Variants in POLR2F observed in about 807,000 individuals in gnomAD.
The protein encoded by POLR2F is DNA-directed RNA polymerases I, II, and III subunit RPABC2.
POLR2F carries 12 observed loss-of-function variants against 22.7 expected under a neutral mutation model. The observed-to-expected ratio is 0.53, with a 90% confidence interval of 0.34 to 0.86. POLR2F has a LOEUF of 0.86. Among genes scored for constraint, POLR2F ranks in the 40% least tolerant of loss-of-function variants. The pLI, the probability that POLR2F is intolerant of heterozygous loss-of-function variation, is 0.02. For missense variants in POLR2F, 126 were observed against 171.5 expected, an observed-to-expected ratio of 0.73 and a Z score of 1.48; for synonymous variants, 57 against 66.0, an observed-to-expected ratio of 0.86 and a Z score of 0.66.
At chr22:38,026,116 A>T in exon 2 of POLR2F, 1 of 533,766 alleles carries the variant, frequency 1.9e-6, no homozygotes, top group Non-Finnish European at 3.8e-6. Context: ...TGGATCCCCC[A>T]CTGCCCCAGA....
chr22:37,971,642 C>T (rs1013714332), downstream of POLR2F, among the ~76,000 whole-genome samples: 1 of 151,858 alleles, frequency 6.6e-6, no homozygotes, highest in Non-Finnish European at 1.5e-5. Context: ...TAGATCCTGG[C>T]GTGGGCTGCT....
intron 1 of POLR2F, among the ~76,000 whole-genome samples, chr22:38,003,696 C>A (rs1461409914): frequency 6.6e-6 from 1 of 152,010 alleles, no homozygotes. Flanking sequence ...CACACCTCAG[C>A]CTCCCAAGTA....
chr22:37,986,991 G>C lies in POLR2F; in HGVS notation c.120+679G>C. The C allele has an allele frequency of 2.2e-6, 1 of 453,956 alleles. No individual in the cohort carries two copies. The highest frequency in any genetic ancestry group is 1.6e-5 in the South Asian group (1 of 64,490). The allele number at this position is 453,956 out of a possible 1,614,324, so 28.1% of individuals were successfully genotyped here. A position where few individuals can be genotyped will look rare whatever the true frequency, so the allele number is the denominator to read the frequency against. ...ACCTTCTCCTCCTTTCCCTGCTGGG[G>C]GTGGCAGGGGTCCCTTTACCCCCTC... On this transcript the variant is annotated intron_variant, in intron 1 of 2. Coordinates refer to the POLR2F transcript ENST00000333418. This position sits in a 1 kb window ranked among gnomAD's most constrained non-coding sequence, Gnocchi z 4.7.
At chr22:38,013,968 C>T (rs60258701) in intron 1 of POLR2F, among the ~76,000 whole-genome samples, 1 of 151,614 alleles carries the variant, frequency 6.6e-6, no homozygotes, top group African/African-American at 2.4e-5. Context: ...ACTAAAAATA[C>T]AAAATTAGCC....
intron 1 of POLR2F, among the ~76,000 whole-genome samples, chr22:38,010,486 G>A (rs2084861585): frequency 2.0e-5 from 3 of 151,792 alleles, no homozygotes; most frequent in Admixed American, 2.0e-4. Flanking sequence ...CCAGCAGCGA[G>A]GTTTCAGAGT....
upstream of POLR2F, chr22:37,983,898 C>T: frequency 1.1e-6 from 1 of 931,806 alleles, no homozygotes; most frequent in Admixed American, 4.6e-5. This position sits in a 1 kb window ranked among gnomAD's most constrained non-coding sequence, Gnocchi z 9.5. Flanking sequence ...GATGGAGCGG[C>T]CGCGCGCGCA....
intron 3 of POLR2F, among the ~76,000 whole-genome samples, chr22:37,960,647 C>T (rs899601619): frequency 7.9e-5 from 12 of 151,780 alleles, no homozygotes; most frequent in African/African-American, 2.7e-4. Context: ...ATGATCCGCC[C>T]GCCTCGGCCT....
At chr22:37,960,855 T>TC (rs950133330) in intron 3 of POLR2F, among the ~76,000 whole-genome samples, 3 of 144,410 alleles carry the variant, frequency 2.1e-5, no homozygotes, top group Non-Finnish European at 3.0e-5. Context: ...TTTTTTCTTT[T>TC]TTTTTTTTTT....
At chr22:37,987,566 A>T in intron 1 of POLR2F, 1 of 340,466 alleles carries the variant, frequency 2.9e-6, no homozygotes, top group Non-Finnish European at 5.8e-6. Flanking sequence ...GGATACACTG[A>T]GATGAAGGTC....
rs546703925 is a variant in POLR2F, at chr22:37,974,883, G to C, written c.293+7713G>C. Among the ~76,000 whole-genome samples the C allele has an allele frequency of 1.2e-4, 18 of 152,190 alleles. No individual in the cohort carries two copies. Among genetic ancestry groups the C allele is most frequent in the African/African-American group, 3.6e-4 (15 of 41,508 alleles). On this transcript the variant is annotated intron_variant, in intron 4 of 4. Coordinates refer to the POLR2F transcript ENST00000405557. This position sits in a 1 kb window ranked among gnomAD's most constrained non-coding sequence, Gnocchi z 5.4. Reference sequence around the variant, plus strand: ...CTGTCTTCCTTGCTGAGCCTCGCTCGCCCAGGCTCCTGAGTGCTCTGTTTC... The same window carrying C: ...CTGTCTTCCTTGCTGAGCCTCGCTCCCCCAGGCTCCTGAGTGCTCTGTTTC...
upstream of POLR2F, among the ~76,000 whole-genome samples, chr22:37,985,550 G>A (rs1932544916): frequency 6.6e-6 from 1 of 152,192 alleles, no homozygotes; most frequent in Non-Finnish European, 1.5e-5. Context: ...CCCCGCCGGG[G>A]TGTTGAGGCC....
rs1932368162 is a variant in POLR2F, at chr22:37,980,598, C to T, written c.293+13428C>T. 6.6e-6 allele frequency among the ~76,000 whole-genome samples: 1 copy of T among 152,136 alleles called. No homozygotes were observed. The highest frequency in any genetic ancestry group is 1.5e-5 in the Non-Finnish European group (1 of 68,022). ...ACCCCAACCCCAAGCCCAGCCTGCCCACCATGTAAACCCAATCTCCAGCAC... is the reference window on the plus strand; with the variant it reads ...ACCCCAACCCCAAGCCCAGCCTGCCTACCATGTAAACCCAATCTCCAGCAC... On this transcript the variant is annotated intron_variant, in intron 4 of 4. Coordinates refer to the POLR2F transcript ENST00000405557. The surrounding 1 kb of genome is among the most constrained non-coding windows in gnomAD (Gnocchi z 4.1).
intron 5 of POLR2F, among the ~76,000 whole-genome samples, chr22:38,039,238 A>G (rs919404773): frequency 5.9e-5 from 9 of 152,224 alleles, no homozygotes; most frequent in African/African-American, 1.7e-4. Context: ...GACAAAGCCT[A>G]AAACCAAATG....
chr22:38,012,172 C>T (rs540088750), intron 1 of POLR2F, among the ~76,000 whole-genome samples: 6 of 151,488 alleles, frequency 4.0e-5, no homozygotes, highest in Non-Finnish European at 8.8e-5. Context: ...ACCTCCACCT[C>T]CTGGGTTCAA....
chr22:37,972,282 A>G, downstream of POLR2F: 1 of 1,295,290 alleles, frequency 7.7e-7, no homozygotes, highest in African/African-American at 1.5e-5. Context: ...AGAGATGAAG[A>G]GACAGGCCAG....
At chr22:37,954,829 G>A (rs1447054632) in intron 1 of POLR2F, among the ~76,000 whole-genome samples, 1 of 152,162 alleles carries the variant, frequency 6.6e-6, no homozygotes, top group Non-Finnish European at 1.5e-5. Flanking sequence ...AAGAGGAGAT[G>A]ACCCGTGGCT....
In POLR2F at chr22:38,016,132, C is replaced by A. The variant is rs1402600699; in HGVS notation, c.121-9737C>A. On this transcript the variant is annotated intron_variant, in intron 1 of 2. Coordinates refer to the POLR2F transcript ENST00000333418. The surrounding 1 kb of genome is among the most constrained non-coding windows in gnomAD (Gnocchi z 4.4). ...GGGTTATGTCTTGCTCAGCCTTACA[C>A]CCCCTGCGTCTGGCCAGGGACTCAG... Among the ~76,000 whole-genome samples, 1 of 152,216 alleles carries A rather than the reference C, an allele frequency of 6.6e-6. No individual in the cohort carries two copies. The highest frequency in any genetic ancestry group is 2.1e-4 in the South Asian group (1 of 4,838).
intron 1 of POLR2F, among the ~76,000 whole-genome samples, chr22:37,995,462 G>A (rs185871659): frequency 2.6e-5 from 4 of 152,108 alleles, no homozygotes; most frequent in Admixed American, 6.6e-5. Context: ...TGCCTCTCTC[G>A]ACCCTCCAGT....
At chr22:37,977,381 C>T (rs1294140799) in intron 4 of POLR2F, among the ~76,000 whole-genome samples, 2 of 150,662 alleles carry the variant, frequency 1.3e-5, no homozygotes, top group African/African-American at 2.4e-5. Context: ...AGTGCAGTGG[C>T]GCGATCCCGG....
Sources: gnomAD v4.1 joint callset for allele counts (sites outside exome capture counted in the v4.1 genomes callset) on GRCh38, gnomAD v4.1.1 for gene constraint, Gnocchi (gnomAD v3.1) non-coding constraint, MANE v1.5 for transcripts, NCBI Gene and HGNC (gene_info 2026-07-23, HGNC 2026-07-21) for gene names.